The following ST8SIA5 variants were observed in gnomAD, a reference collection of about 807,000 sequenced individuals.
ST8SIA5 encodes the protein alpha-2,8-sialyltransferase 8E.
Under a neutral mutation model 40.2 loss-of-function variants are expected in ST8SIA5, and 24 were observed. The observed-to-expected ratio is 0.60, with a 90% CI of 0.43 to 0.84. The LOEUF is 0.84. ST8SIA5 is among the 40% of genes least tolerant of loss of function. The probability of loss-of-function intolerance (pLI) is 0.00; values close to 1 mark genes in which losing one functional copy is unlikely to be tolerated. For synonymous variants in ST8SIA5, 198 were observed against 201.8 expected (o/e 0.98, Z 0.16); for missense variants, 465 against 498.5 (o/e 0.93, Z 0.64).
At chr18:46,733,845 T>C (rs1036026405) in intron 1 of ST8SIA5, among the ~76,000 whole-genome samples, 1 of 152,082 alleles carries the variant, frequency 6.6e-6, no homozygotes, top group Non-Finnish European at 1.5e-5. Flanking sequence ...GGGCATCAGT[T>C]CATGGAAGAA....
Position 46,680,387 on chromosome 18 carries a change from CT to C in ST8SIA5, c.785del (p.Lys262SerfsTer65), listed in dbSNP as rs1255294181. ...GCGATTCGAAGTCGTCCAGCACGTACTTGACGCGGATGGACACGTCGGTGTT... is the reference window on the plus strand; with the variant it reads ...GCGATTCGAAGTCGTCCAGCACGTACTGACGCGGATGGACACGTCGGTGTT... Reference protein sequence around the residue: ...TRNTDVSIRVKYVLDDFESPQ... With the variant: ...TRNTDVSIRVXYVLDDFESPQ... On this transcript the variant is annotated frameshift_variant, in exon 7 of 7. Coordinates refer to ENST00000315087, the MANE Select transcript of ST8SIA5 (RefSeq NM_013305.6). LOFTEE classifies it high-confidence loss of function. 6.2e-7 allele frequency: 1 copy of C among 1,613,996 alleles called. No individual in the cohort carries two copies. Among genetic ancestry groups the C allele is most frequent in the Non-Finnish European group, 8.5e-7 (1 of 1,179,936 alleles).
chr18:46,681,381 A>G (rs1047337988), intron 6 of ST8SIA5, among the ~76,000 whole-genome samples: 6 of 152,068 alleles, frequency 3.9e-5, no homozygotes, highest in Non-Finnish European at 7.4e-5. Flanking sequence ...ATCCAATTCA[A>G]TGACCCCCTC....
At chr18:46,729,590 CCA>C (rs1326516241) in intron 1 of ST8SIA5, among the ~76,000 whole-genome samples, 1 of 152,174 alleles carries the variant, frequency 6.6e-6, no homozygotes, top group Non-Finnish European at 1.5e-5. Context: ...AGGCAAACTC[CCA>C]CCCAAGAGAC....
intron 2 of ST8SIA5, among the ~76,000 whole-genome samples, chr18:46,695,326 G>T (rs1255446171): frequency 6.6e-6 from 1 of 152,140 alleles, no homozygotes; most frequent in African/African-American, 2.4e-5. Context: ...AGTCATGGAA[G>T]ATAGTAACTA....
rs559006141 is a variant in ST8SIA5, at chr18:46,728,991, C to T, written c.132-24327G>A. 1.1e-3 allele frequency among the ~76,000 whole-genome samples: 173 copies of T among 152,282 alleles called. 2 individuals are homozygous for T. Among genetic ancestry groups the T allele is most frequent in the Non-Finnish European group, 4.7e-4 (32 of 68,014 alleles). On this transcript the variant is annotated intron_variant, in intron 1 of 6. Coordinates refer to ENST00000315087, the MANE Select transcript of ST8SIA5 (RefSeq NM_013305.6). ...ACTCAGTGCCCCAGGAGTGGCCCTG[C>T]AGTTTCACTTGCACCCCTCTGCAAA...
intron 2 of ST8SIA5, among the ~76,000 whole-genome samples, 154 bp from the exon 3 acceptor site, chr18:46,692,409 CT>C (rs370306455): frequency 2.3e-3 from 326 of 144,700 alleles, no homozygotes; most frequent in Admixed American, 3.2e-3. Flanking sequence ...TTCTTTGTTT[CT>C]TTTTTTTTTT....
intron 1 of ST8SIA5, among the ~76,000 whole-genome samples, chr18:46,754,625 T>G (rs1427335673): frequency 6.6e-6 from 1 of 152,166 alleles, no homozygotes; most frequent in Non-Finnish European, 1.5e-5. Flanking sequence ...GGGGTCAGGG[T>G]CTCTGTGAGG....
At chr18:46,749,556 CAGAT>C (rs1259885808) in intron 1 of ST8SIA5, among the ~76,000 whole-genome samples, 1 of 152,080 alleles carries the variant, frequency 6.6e-6, no homozygotes, top group African/African-American at 2.4e-5. Context: ...AGATAATCTT[CAGAT>C]AAACTATTAT....
At chr18:46,687,081 A>G (rs951214820) in intron 4 of ST8SIA5, among the ~76,000 whole-genome samples, 1 of 152,244 alleles carries the variant, frequency 6.6e-6, no homozygotes, top group African/African-American at 2.4e-5. Flanking sequence ...TTCAGGGACA[A>G]GCGAACTACA....
intron 1 of ST8SIA5, 43 bp from the exon 2 acceptor site, chr18:46,704,707 G>C (rs948901535): frequency 1.3e-6 from 2 of 1,536,204 alleles, no homozygotes; most frequent in Non-Finnish European, 1.8e-6. Context: ...AGCAGGTCAG[G>C]ATGTCCAGGG....
intron 5 of ST8SIA5, 51 bp from the exon 6 acceptor site, chr18:46,682,115 G>T: frequency 6.8e-7 from 1 of 1,475,020 alleles, no homozygotes; most frequent in Non-Finnish European, 9.2e-7. Flanking sequence ...AATAGGTCAG[G>T]CTGGGGAGGG....
chr18:46,750,703 C>T (rs1296499545), intron 1 of ST8SIA5, among the ~76,000 whole-genome samples: 1 of 152,130 alleles, frequency 6.6e-6, no homozygotes, highest in Non-Finnish European at 1.5e-5. Flanking sequence ...CTTAACACCT[C>T]CCTCTCCTCA....
At chr18:46,687,449 G>A (rs2039459199) in intron 4 of ST8SIA5, among the ~76,000 whole-genome samples, 1 of 152,148 alleles carries the variant, frequency 6.6e-6, no homozygotes, top group Non-Finnish European at 1.5e-5. Context: ...CGGTCCATAG[G>A]CTGCTTCTCC....
intron 2 of ST8SIA5, among the ~76,000 whole-genome samples, chr18:46,693,825 G>A (rs989457735): frequency 2.0e-5 from 3 of 152,128 alleles, no homozygotes; most frequent in African/African-American, 7.2e-5. Flanking sequence ...TTTCAGCAGT[G>A]CCTAAGCTCA....
intron 2 of ST8SIA5, among the ~76,000 whole-genome samples, chr18:46,694,907 C>T (rs926989266): frequency 1.6e-4 from 24 of 151,924 alleles, no homozygotes; most frequent in Admixed American, 5.2e-4. Context: ...GTCTCTAATC[C>T]CAGCACTTTG....
At chr18:46,733,587 G>A (rs1279521994) in intron 1 of ST8SIA5, among the ~76,000 whole-genome samples, 2 of 151,206 alleles carry the variant, frequency 1.3e-5, no homozygotes, top group East Asian at 3.9e-4. Context: ...GGTGAAAGGT[G>A]TTGTGGGAGA....
At position 46,686,259 on chromosome 18, in the gene ST8SIA5, T is replaced by G. The variant is rs1224975946; in HGVS notation, c.484A>C (p.Lys162Gln). 1.2e-6 allele frequency: 2 copies of G among 1,613,980 alleles called. No individual in the cohort carries two copies. Among genetic ancestry groups the G allele is most frequent in the Non-Finnish European group, 1.7e-6 (2 of 1,180,012 alleles). The change falls in exon 5 of 7, where the codon AAG becomes CAG. Residue 162 changes from lysine to glutamine, a missense_variant. Lys to Gln is a moderately conservative substitution (Grantham distance 53). Coordinates refer to ENST00000315087, the MANE Select transcript of ST8SIA5 (RefSeq NM_013305.6). ...CCGTTGCCCACTACAGCACACTTCT[T>G]AAACTGGGACCGGTAGTAGGGCATG... is the stretch of plus-strand genomic sequence containing the variant. The part of the protein sequence containing the change: ...KDMPYYRSQF[K>Q]KCAVVGNGGI...
intron 1 of ST8SIA5, among the ~76,000 whole-genome samples, chr18:46,747,788 A>G (rs1323942211): frequency 6.6e-6 from 1 of 152,250 alleles, no homozygotes; most frequent in African/African-American, 2.4e-5. Context: ...TTGTTGCGGC[A>G]CTATTCACAG....
At chr18:46,709,327 C>T (rs1427812611) in intron 1 of ST8SIA5, among the ~76,000 whole-genome samples, 1 of 152,138 alleles carries the variant, frequency 6.6e-6, no homozygotes, top group Non-Finnish European at 1.5e-5. Context: ...CTATGAGGAA[C>T]GGGCCCTCGC....
Sources: allele counts gnomAD v4.1 joint callset (sites outside exome capture counted in the v4.1 genomes callset), GRCh38; gene constraint gnomAD v4.1.1; transcripts MANE v1.5; gene names NCBI Gene and HGNC (gene_info 2026-07-23, HGNC 2026-07-21).